Variants in SNTG2 observed in about 807,000 individuals in gnomAD.
SNTG2 encodes gamma-2-syntrophin.
In SNTG2, 74 loss-of-function variants were observed where a neutral mutation model predicts 70.9. The observed-to-expected ratio is 1.04, with a 90% CI of 0.86 to 1.27. SNTG2 has a LOEUF of 1.27. Among genes scored for constraint, SNTG2 ranks in the 50% most tolerant of loss-of-function variants. The pLI, the probability that SNTG2 is intolerant of heterozygous loss-of-function variation, is 0.00. For synonymous variants in SNTG2, 278 were observed against 273.8 expected (o/e 1.02, Z -0.15); for missense variants, 717 against 690.7 (o/e 1.04, Z -0.43).
intron 12 of SNTG2, among the ~76,000 whole-genome samples, chr2:1,249,073 G>A (rs1014730934): frequency 1.3e-5 from 2 of 152,130 alleles, no homozygotes; most frequent in South Asian, 2.1e-4. Context: ...AAGTGTCCCT[G>A]GAATTGCTAA....
intron 1 of SNTG2, among the ~76,000 whole-genome samples, chr2:960,932 C>T (rs984884719): frequency 6.6e-6 from 1 of 152,200 alleles, no homozygotes; most frequent in African/African-American, 2.4e-5. Context: ...CCTGCCACTC[C>T]AGGGCACAGC....
intron 1 of SNTG2, among the ~76,000 whole-genome samples, chr2:1,082,143 G>C (rs1229365541): frequency 1.3e-5 from 2 of 152,186 alleles, no homozygotes; most frequent in Non-Finnish European, 2.9e-5. Flanking sequence ...GTTCCCATGA[G>C]TGCTGAGGAG....
intron 1 of SNTG2, among the ~76,000 whole-genome samples, chr2:1,054,415 C>T (rs865970646): frequency 9.2e-5 from 14 of 152,250 alleles, no homozygotes; most frequent in African/African-American, 2.2e-4. Context: ...GAGGGGTTTA[C>T]GTAGAGGGCT....
intron 4 of SNTG2, 22 bp from the exon 5 acceptor site, chr2:1,137,600 T>A (rs1236733020): frequency 2.5e-6 from 4 of 1,610,840 alleles, no homozygotes; most frequent in Non-Finnish European, 3.4e-6. Context: ...TTAAAACTGT[T>A]GCCACTTTTG....
intron 8 of SNTG2, among the ~76,000 whole-genome samples, chr2:1,190,487 A>G (rs1672514283): frequency 7.6e-6 from 1 of 132,370 alleles, no homozygotes. Flanking sequence ...ACAAATATGG[A>G]GGGCTGACTA....
intron 4 of SNTG2, among the ~76,000 whole-genome samples, chr2:1,115,837 A>C (rs1194873043): frequency 6.6e-6 from 1 of 152,224 alleles, no homozygotes; most frequent in Non-Finnish European, 1.5e-5. Context: ...CAGTCACTGA[A>C]GTTTGGGGAA....
chr2:1,264,851 G>A (rs1021793527), intron 13 of SNTG2, among the ~76,000 whole-genome samples: 3 of 152,176 alleles, frequency 2.0e-5, no homozygotes, highest in East Asian at 1.9e-4. Context: ...GTAAGCCACT[G>A]TGCCTGAATT....
chr2:1,139,472 G>A (rs1311710316), intron 6 of SNTG2, among the ~76,000 whole-genome samples: 3 of 152,192 alleles, frequency 2.0e-5, no homozygotes, highest in South Asian at 2.1e-4. Context: ...CTGACCTCAG[G>A]TGATCTGCCC....
At chr2:1,296,552 C>T (rs1224633436) in intron 14 of SNTG2, among the ~76,000 whole-genome samples, 2 of 152,370 alleles carry the variant, frequency 1.3e-5, no homozygotes, top group East Asian at 1.9e-4. Context: ...CAGTCCCCCA[C>T]AGAGATAGAG....
At chr2:1,096,924 A>G (rs896138496) in intron 2 of SNTG2, among the ~76,000 whole-genome samples, 4 of 152,208 alleles carry the variant, frequency 2.6e-5, no homozygotes, top group Non-Finnish European at 5.9e-5. Flanking sequence ...TGCTGTTCAC[A>G]GTATCTGGAA....
intron 9 of SNTG2, among the ~76,000 whole-genome samples, chr2:1,229,176 G>C (rs1023995769): frequency 6.6e-6 from 1 of 152,166 alleles, no homozygotes; most frequent in Non-Finnish European, 1.5e-5. Flanking sequence ...TGGGCAGCCT[G>C]CTTTTATTCT....
Position 1,140,166 on chromosome 2 carries a change from A to G in SNTG2, c.411+2357A>G, listed in dbSNP as rs182260640. On this transcript the variant is annotated intron_variant, in intron 6 of 16. Coordinates refer to ENST00000308624, the MANE Select transcript of SNTG2 (RefSeq NM_018968.4). ...CTGAATGCAAAGAATCCTTTGTAAT[A>G]TAAAAACTAGATTTACCTCCACAAA... Among the ~76,000 whole-genome samples the G allele has an allele frequency of 3.3e-5, 5 of 152,372 alleles. No individual in the cohort carries two copies. In the East Asian group the frequency reaches 7.7e-4, roughly 23 times the overall value.
intron 6 of SNTG2, among the ~76,000 whole-genome samples, chr2:1,147,516 T>C (rs1372997815): frequency 2.6e-5 from 4 of 152,260 alleles, no homozygotes; most frequent in African/African-American, 9.6e-5. Context: ...TCTTCAGCTT[T>C]GGAACTCAGA....
intron 1 of SNTG2, among the ~76,000 whole-genome samples, chr2:1,069,325 A>T: frequency 6.9e-6 from 1 of 145,962 alleles, no homozygotes. Context: ...AATGAAAAAA[A>T]TTCTTATATA....
At chr2:1,215,826 T>C (rs1344195897) in intron 9 of SNTG2, among the ~76,000 whole-genome samples, 1 of 151,944 alleles carries the variant, frequency 6.6e-6, no homozygotes, top group Non-Finnish European at 1.5e-5. Context: ...GTCCTTGTGA[T>C]AGTTTGCTGA....
chr2:970,418 C>G (rs9712290), intron 1 of SNTG2, among the ~76,000 whole-genome samples: 3 of 127,688 alleles, frequency 2.3e-5, no homozygotes, highest in African/African-American at 8.8e-5. Flanking sequence ...TCCCTCCCCC[C>G]TCCCCCCACC....
intron 16 of SNTG2, among the ~76,000 whole-genome samples, chr2:1,359,740 A>G (rs995236772): frequency 3.9e-5 from 6 of 152,196 alleles, no homozygotes; most frequent in African/African-American, 9.6e-5. Flanking sequence ...CACAACATCA[A>G]TATCCTTAAA....
At chr2:1,014,855 A>T (rs1572222918) in intron 1 of SNTG2, among the ~76,000 whole-genome samples, 1 of 152,100 alleles carries the variant, frequency 6.6e-6, no homozygotes, top group African/African-American at 2.4e-5. Context: ...CATCAGCATG[A>T]ATCTCGAGGT....
chr2:1,076,997 A>T (rs1663961758), intron 1 of SNTG2, among the ~76,000 whole-genome samples: 1 of 152,170 alleles, frequency 6.6e-6, no homozygotes, highest in African/African-American at 2.4e-5. Context: ...ATTAGTTTTT[A>T]TCATACTCTT....
Sources: allele counts gnomAD v4.1 joint callset (sites outside exome capture counted in the v4.1 genomes callset), GRCh38; gene constraint gnomAD v4.1.1; transcripts MANE v1.5; gene names NCBI Gene and HGNC (gene_info 2026-07-23, HGNC 2026-07-21).